The following PPIH variants were observed in gnomAD, a reference collection of about 807,000 sequenced individuals.
PPIH encodes peptidyl-prolyl cis-trans isomerase H.
A neutral mutation model predicts 27.6 loss-of-function variants in PPIH; 16 were observed. The observed-to-expected ratio is 0.58, with a 90% CI of 0.39 to 0.88. The LOEUF (loss-of-function observed/expected upper bound fraction) is 0.88. Ranked by LOEUF, PPIH falls within the 40% of genes least tolerant of loss-of-function variation. PPIH has a pLI of 0.00. For synonymous variants in PPIH, 63 were observed against 76.1 expected, an observed-to-expected ratio of 0.83 and a Z score of 0.90; for missense variants, 155 against 224.1, an observed-to-expected ratio of 0.69 and a Z score of 1.97.
downstream of PPIH, chr1:42,681,120 T>G (rs1650006915): frequency 6.6e-6 from 1 of 152,154 alleles, no homozygotes; most frequent in Admixed American, 6.5e-5. Flanking sequence ...CATTCTCCAC[T>G]CCGCAGCCAT....
chr1:42,669,767 T>C (rs12141653), intron 9 of PPIH, among the ~76,000 whole-genome samples: 62,859 of 152,056 alleles, frequency 0.41, 13,245 homozygotes, highest in Non-Finnish European at 0.44. Flanking sequence ...TCATTTAAGG[T>C]CTTTACTACC....
chr1:42,658,958 T>G, intron 2 of PPIH, 50 bp downstream of exon 2: 8 of 1,588,302 alleles, frequency 5.0e-6, no homozygotes, highest in Non-Finnish European at 6.9e-6. Flanking sequence ...GAAGTCGGGC[T>G]CCAGTCAGCC....
downstream of PPIH, among the ~76,000 whole-genome samples, chr1:42,680,238 G>A (rs1445914374): frequency 1.3e-5 from 2 of 152,186 alleles, no homozygotes; most frequent in Non-Finnish European, 2.9e-5. Context: ...CTTTCTCTAC[G>A]ATGTCCTCTG....
At chr1:42,681,513 G>A (rs534695098), downstream of PPIH, 1 of 152,320 alleles carries the variant, frequency 6.6e-6, no homozygotes, top group East Asian at 1.9e-4. Flanking sequence ...GTGGGTGGAG[G>A]ACTTCAGTAA....
At chr1:42,664,464 T>G (rs960055235) in intron 5 of PPIH, among the ~76,000 whole-genome samples, 1 of 152,126 alleles carries the variant, frequency 6.6e-6, no homozygotes, top group South Asian at 2.1e-4. Flanking sequence ...ACCCACCCTC[T>G]TAGATAGTTT....
downstream of PPIH, among the ~76,000 whole-genome samples, chr1:42,677,888 T>A (rs775734068): frequency 1.3e-5 from 2 of 152,246 alleles, no homozygotes; most frequent in Admixed American, 1.3e-4. Flanking sequence ...CTGTTTGCTC[T>A]CATTCTTATT....
At chr1:42,662,828 T>C (rs891167054) in intron 5 of PPIH, among the ~76,000 whole-genome samples, 1 of 152,254 alleles carries the variant, frequency 6.6e-6, no homozygotes, top group East Asian at 1.9e-4. Context: ...TTAGTATGTA[T>C]ATGTGTGTTT....
In PPIH at chr1:42,659,371, G is replaced by T. The variant is rs755614238; in HGVS notation, c.155+120G>T. 4 of 1,614,052 alleles carry T rather than the reference G, an allele frequency of 2.5e-6. No homozygotes were observed. In the African/African-American group the frequency reaches 5.3e-5, roughly 22 times the overall value. On this transcript the variant is annotated intron_variant, in intron 3 of 9. Coordinates refer to ENST00000304979, the MANE Select transcript of PPIH (RefSeq NM_006347.4). ...TGATTGCTGGTGACAGTGATAGAAG[G>T]TAATGCCCCAAGGGTCTGTCCCTAG...
At chr1:42,669,865 AT>A (rs1336999819) in intron 9 of PPIH, among the ~76,000 whole-genome samples, 3 of 152,126 alleles carry the variant, frequency 2.0e-5, no homozygotes. Context: ...TTAAAGTCTT[AT>A]TTGTACATTT....
chr1:42,667,153 T>C, intron 8 of PPIH, among the ~76,000 whole-genome samples, 198 bp from the exon 9 acceptor site: 1 of 152,344 alleles, frequency 6.6e-6, no homozygotes, highest in East Asian at 1.9e-4. Context: ...TTTTCTTATA[T>C]AATCATAAGT....
In PPIH at chr1:42,659,586, A is replaced by C. The variant is rs775136962; in HGVS notation, c.200+20A>C. ...CCACAGGTAAGGCTCTTGGCAAGCC[A>C]TCCTGGAGTCTTTCAGAAATATTTC... is the stretch of plus-strand genomic sequence containing the variant. On this transcript the variant is annotated intron_variant, in intron 4 of 9. Coordinates refer to ENST00000304979, the MANE Select transcript of PPIH (RefSeq NM_006347.4). The C allele has an allele frequency of 1.9e-6, 3 of 1,602,354 alleles. No individual in the cohort carries two copies. In the South Asian group the frequency reaches 3.4e-5, roughly 18 times the overall value.
chr1:42,667,338 CT>C lies in PPIH; in HGVS notation c.466-6del. 1.3e-6 allele frequency: 2 copies of C among 1,589,772 alleles called. No individual in the cohort carries two copies. The highest frequency in any genetic ancestry group is 1.7e-6 in the Non-Finnish European group (2 of 1,158,116). On this transcript the variant is annotated splice_polypyrimidine_tract_variant and intron_variant, in intron 8 of 9. Transcript: ENST00000304979. ...CCTGAGTGGATGAATCTCCATTGTG[CT>C]TTTTTTCCTAGAATGTTCCCACAGG...
At chr1:42,665,358 T>A (rs895931230) in intron 6 of PPIH, among the ~76,000 whole-genome samples, 9 of 151,950 alleles carry the variant, frequency 5.9e-5, no homozygotes, top group Non-Finnish European at 8.8e-5. Context: ...TGAGCTGAGA[T>A]TGCCCCACTG....
chr1:42,674,096 A>G (rs1219334502), intron 9 of PPIH, among the ~76,000 whole-genome samples: 1 of 152,252 alleles, frequency 6.6e-6, no homozygotes, highest in Non-Finnish European at 1.5e-5. Context: ...AGTCAGTTCC[A>G]TCCTTCAAGG....
chr1:42,674,732 A>G (rs1388437777), intron 9 of PPIH, among the ~76,000 whole-genome samples: 1 of 152,246 alleles, frequency 6.6e-6, no homozygotes, highest in African/African-American at 2.4e-5. Context: ...AGTCCAGGCA[A>G]GAGAAAAGAG....
downstream of PPIH, among the ~76,000 whole-genome samples, chr1:42,680,387 C>A (rs1480580689): frequency 6.6e-6 from 1 of 152,212 alleles, no homozygotes; most frequent in Non-Finnish European, 1.5e-5. Flanking sequence ...CAGCTGTTTG[C>A]TACCTCTGCT....
chr1:42,677,436 C>T (rs1649924522), downstream of PPIH, among the ~76,000 whole-genome samples: 1 of 152,196 alleles, frequency 6.6e-6, no homozygotes, highest in African/African-American at 2.4e-5. Flanking sequence ...CGCGCCACTG[C>T]ACTCCAGCCT....
At chr1:42,668,378 A>C in intron 9 of PPIH, among the ~76,000 whole-genome samples, 1 of 149,820 alleles carries the variant, frequency 6.7e-6, no homozygotes. Flanking sequence ...CCCTCCCTCC[A>C]TCCTTTCCTT....
chr1:42,660,567 C>T (rs1157193884), intron 4 of PPIH, among the ~76,000 whole-genome samples: 2 of 152,116 alleles, frequency 1.3e-5, no homozygotes, highest in African/African-American at 4.8e-5. Flanking sequence ...GTAGCCAGGA[C>T]TACAGGCATG....
Sources: allele counts gnomAD v4.1 joint callset (sites outside exome capture counted in the v4.1 genomes callset), GRCh38; gene constraint gnomAD v4.1.1; transcripts MANE v1.5; gene names NCBI Gene and HGNC (gene_info 2026-07-23, HGNC 2026-07-21).